The following SUFU variants were observed in gnomAD, a reference collection of about 807,000 sequenced individuals.
SUFU encodes the protein suppressor of fused homolog.
A neutral mutation model predicts 58.9 loss-of-function variants in SUFU; 7 were observed. The ratio of observed to expected loss-of-function variants is 0.12; its 90% CI spans 0.07 to 0.22. The LOEUF (loss-of-function observed/expected upper bound fraction) is 0.22. Ranked by LOEUF, SUFU falls within the 10% of genes least tolerant of loss-of-function variation. SUFU has a pLI of 1.00. For missense variants in SUFU, 451 were observed against 641.3 expected, an observed-to-expected ratio of 0.70 and a Z score of 3.20; for synonymous variants, 232 against 254.8, an observed-to-expected ratio of 0.91 and a Z score of 0.85.
rs144919913 is a variant in SUFU, at chr10:102,514,188, C to T, written c.317+4885C>T. ...AGGCAAGAGCCAGTGCTCCTGGCAA[C>T]GGCATTTATTAAATGCCTGCTGTGT... On this transcript the variant is annotated intron_variant, in intron 2 of 11. Transcript: ENST00000369902. Among the ~76,000 whole-genome samples, 202 of 152,236 alleles carry T rather than the reference C, an allele frequency of 1.3e-3. 2 individuals carry two copies. The highest frequency in any genetic ancestry group is 4.3e-3 in the African/African-American group (179 of 41,552).
At chr10:102,517,590 C>T (rs2062487634) in intron 2 of SUFU, among the ~76,000 whole-genome samples, 2 of 152,194 alleles carry the variant, frequency 1.3e-5, no homozygotes, top group South Asian at 2.1e-4. Flanking sequence ...CTCCCTTATC[C>T]ACCTTTCTGA....
rs1183055181 is a variant in SUFU at position 102,619,685 on chromosome 10, C to T, written c.1296+2257C>T. Among the ~76,000 whole-genome samples, 1 of 152,222 alleles carries T rather than the reference C, an allele frequency of 6.6e-6. No individual in the cohort carries two copies. The highest frequency in any genetic ancestry group is 1.9e-4 in the East Asian group (1 of 5,200). ...AACACCCACACCAGCCCTCCTCCCC[C>T]TGCCAGGCAGTCAGCACTTTCTCCC... On this transcript the variant is annotated intron_variant, in intron 10 of 11. Coordinates refer to ENST00000369902, the MANE Select transcript of SUFU (RefSeq NM_016169.4). This position sits in a 1 kb window ranked among gnomAD's most constrained non-coding sequence, Gnocchi z 4.2.
At chr10:102,570,356 C>G (rs2063147750) in intron 3 of SUFU, among the ~76,000 whole-genome samples, 1 of 152,064 alleles carries the variant, frequency 6.6e-6, no homozygotes, top group African/African-American at 2.4e-5. Context: ...ATTCTCTTGC[C>G]TCAGCCTCTC....
intron 7 of SUFU, 52 bp from the exon 8 acceptor site, chr10:102,599,381 G>A (rs1398787282): frequency 7.2e-7 from 1 of 1,397,520 alleles, no homozygotes; most frequent in Non-Finnish European, 1.0e-6. Context: ...AGCGGGGTGA[G>A]AATTGCTGGG....
chr10:102,572,666 G>A (rs1441393239), intron 3 of SUFU: 8 of 570,666 alleles, frequency 1.4e-5, no homozygotes, highest in Non-Finnish European at 9.8e-6. Flanking sequence ...GAGATTACAG[G>A]TGTGAGTGAG....
At chr10:102,588,929 ATTTATTTT>A (rs746804007) in intron 3 of SUFU, among the ~76,000 whole-genome samples, 1 of 151,808 alleles carries the variant, frequency 6.6e-6, no homozygotes, top group Non-Finnish European at 1.5e-5. Flanking sequence ...TTATTTATTT[ATTTATTTT>A]TTTGAGACAC....
At chr10:102,584,035 C>T (rs1025192181) in intron 3 of SUFU, among the ~76,000 whole-genome samples, 1 of 152,204 alleles carries the variant, frequency 6.6e-6, no homozygotes, top group African/African-American at 2.4e-5. Flanking sequence ...GTGGCCAGTC[C>T]TGTTTTCTGG....
chr10:102,540,839 T>C (rs1292666538), intron 2 of SUFU, among the ~76,000 whole-genome samples: 1 of 151,600 alleles, frequency 6.6e-6, no homozygotes, highest in East Asian at 1.9e-4. Flanking sequence ...CTGGCCAACA[T>C]GGTGAAACCC....
At position 102,630,062 on chromosome 10, in the gene SUFU, A is replaced by G. The variant is rs201139426; in HGVS notation, c.1366-4A>G. 1.6e-5 allele frequency: 26 copies of G among 1,613,798 alleles called. No individual in the cohort carries two copies. Among genetic ancestry groups the G allele is most frequent in the Non-Finnish European group, 2.0e-5 (24 of 1,179,854 alleles). ...CTCCTGGTCTGTGCTTGCTCCCTCC[A>G]CAGTTCAAACTTCCCAAAGAGTACA... On this transcript the variant is annotated splice_region_variant and splice_polypyrimidine_tract_variant and intron_variant, in intron 11 of 11. Coordinates refer to ENST00000369902, the MANE Select transcript of SUFU (RefSeq NM_016169.4).
rs116996729 is a variant in SUFU, at chr10:102,510,102, A to G, written c.317+799A>G. Among the ~76,000 whole-genome samples the G allele has an allele frequency of 4.8e-3, 723 of 152,070 alleles. 1 individual carries two copies. Among genetic ancestry groups the G allele is most frequent in the Non-Finnish European group, 7.5e-3 (513 of 67,990 alleles). On this transcript the variant is annotated intron_variant, in intron 2 of 11. Transcript: ENST00000369902. ...GCAGTTCTTCCACCTCAGCTTCCCA[A>G]AGTGTCGGGATTATGGGTGTGAGCC...
At chr10:102,610,032 A>G (rs1397994813) in intron 8 of SUFU, among the ~76,000 whole-genome samples, 1 of 151,840 alleles carries the variant, frequency 6.6e-6, no homozygotes, top group East Asian at 1.9e-4. Flanking sequence ...TTTATTTTTA[A>G]TTTTTTCCAA....
At chr10:102,576,948 C>T (rs181686016) in intron 3 of SUFU, among the ~76,000 whole-genome samples, 216 of 152,208 alleles carry the variant, frequency 1.4e-3, no homozygotes, top group Non-Finnish European at 2.7e-3. Context: ...TGGTCTGAAG[C>T]GACCTTCCTG....
At chr10:102,574,257 A>G (rs1460228737) in intron 3 of SUFU, among the ~76,000 whole-genome samples, 1 of 152,206 alleles carries the variant, frequency 6.6e-6, no homozygotes, top group Admixed American at 6.5e-5. Flanking sequence ...TGTCAAAACA[A>G]TATACAGAGA....
chr10:102,593,890 C>G, intron 5 of SUFU, 103 bp from the exon 6 acceptor site: 1 of 1,457,600 alleles, frequency 6.9e-7, no homozygotes. Context: ...ACGAACTATT[C>G]CCCTGTGTCC....
chr10:102,582,680 G>C (rs947009092), intron 3 of SUFU, among the ~76,000 whole-genome samples: 8 of 152,056 alleles, frequency 5.3e-5, no homozygotes, highest in African/African-American at 1.7e-4. Flanking sequence ...TTTTTGGCGG[G>C]GAGGGGAGAG....
chr10:102,579,337 A>G (rs892050318), intron 3 of SUFU, among the ~76,000 whole-genome samples: 1 of 152,192 alleles, frequency 6.6e-6, no homozygotes, highest in Non-Finnish European at 1.5e-5. Context: ...AAACTGCATC[A>G]GTCCAGTTCT....
At chr10:102,509,891 G>A (rs1235847894) in intron 2 of SUFU, among the ~76,000 whole-genome samples, 1 of 152,090 alleles carries the variant, frequency 6.6e-6, no homozygotes, top group African/African-American at 2.4e-5. Context: ...AGGCTAGAGT[G>A]CAGTGGTATG....
At chr10:102,576,435 G>T (rs1473459817) in intron 3 of SUFU, among the ~76,000 whole-genome samples, 1 of 151,370 alleles carries the variant, frequency 6.6e-6, no homozygotes, top group Non-Finnish European at 1.5e-5. Flanking sequence ...TTTTTTTACT[G>T]TTGTCTGTGA....
At position 102,542,423 on chromosome 10, in the gene SUFU, G is replaced by T. The variant is rs531972288; in HGVS notation, c.318-7547G>T. On this transcript the variant is annotated intron_variant, in intron 2 of 11. Coordinates refer to ENST00000369902, the MANE Select transcript of SUFU (RefSeq NM_016169.4). ...TGGGATTACAGATGTGAGCCACTGC[G>T]CCCGGCCTATATATATATATATTTT... Among the ~76,000 whole-genome samples, 77 of 141,232 alleles carry T rather than the reference G, an allele frequency of 5.5e-4. 1 individual carries two copies. In the East Asian group the frequency reaches 0.012, roughly 23 times the overall value. The allele number at this position is 141,232 out of a possible 152,430, so 92.7% of individuals were successfully genotyped here. A position where few individuals can be genotyped will look rare whatever the true frequency, so the allele number is the denominator to read the frequency against.
Sources: allele counts gnomAD v4.1 joint callset (sites outside exome capture counted in the v4.1 genomes callset), GRCh38; gene constraint gnomAD v4.1.1; non-coding constraint Gnocchi (gnomAD v3.1); transcripts MANE v1.5; gene names NCBI Gene and HGNC (gene_info 2026-07-23, HGNC 2026-07-21).